Variants in NEGR1 observed in about 807,000 individuals in gnomAD.
The protein encoded by NEGR1 is neuronal growth regulator 1.
Under a neutral mutation model 40.9 loss-of-function variants are expected in NEGR1, and 10 were observed. The observed-to-expected ratio is 0.24, with a 90% CI of 0.15 to 0.42. The LOEUF (loss-of-function observed/expected upper bound fraction) is 0.42, where lower values mean the gene tolerates loss of function less well. Among genes scored for constraint, NEGR1 ranks in the 10% least tolerant of loss-of-function variants. NEGR1 has a pLI of 1.00. For missense variants in NEGR1, 352 were observed against 438.9 expected, an observed-to-expected ratio of 0.80 and a Z score of 1.77; for synonymous variants, 185 against 166.8, an observed-to-expected ratio of 1.11 and a Z score of -0.84.
intron 6 of NEGR1, among the ~76,000 whole-genome samples, chr1:71,458,009 CTATTT>C (rs1313984518): frequency 6.6e-6 from 1 of 151,988 alleles, no homozygotes; most frequent in African/African-American, 2.4e-5. Context: ...GCCAGTTTTC[CTATTT>C]TATAAGAAAG....
chr1:71,938,528 C>T (rs1336562620), intron 1 of NEGR1, among the ~76,000 whole-genome samples: 3 of 148,282 alleles, frequency 2.0e-5, no homozygotes, highest in African/African-American at 7.4e-5. Flanking sequence ...CTTTGCAATA[C>T]AAAGAGATAT....
rs571683835 is a variant in NEGR1, at chr1:71,434,897, C to T, written c.941-27327G>A. On this transcript the variant is annotated intron_variant, in intron 6 of 6. Transcript: ENST00000357731. Reference sequence around the variant, plus strand: ...ACGAGGTCAGGAGATCAAGACCATCCTGGCTAAAACGGTGAAACCCCGTCT... The same window carrying T: ...ACGAGGTCAGGAGATCAAGACCATCTTGGCTAAAACGGTGAAACCCCGTCT... 1.9e-3 allele frequency among the ~76,000 whole-genome samples: 285 copies of T among 152,294 alleles called. 1 individual carries two copies. The highest frequency in any genetic ancestry group is 3.4e-3 in the Middle Eastern group (1 of 294).
chr1:71,645,100 G>A (rs529521406), intron 4 of NEGR1, among the ~76,000 whole-genome samples: 5 of 151,774 alleles, frequency 3.3e-5, no homozygotes, highest in South Asian at 2.1e-4. Context: ...AACTCAAGTC[G>A]GAAACCAACC....
intron 1 of NEGR1, among the ~76,000 whole-genome samples, chr1:72,093,264 G>T (rs1293562873): frequency 6.9e-6 from 1 of 144,602 alleles, no homozygotes; most frequent in Non-Finnish European, 1.5e-5. Context: ...CCAGGAGGCA[G>T]AGGTAGCAGT....
At chr1:71,981,685 T>A (rs1199394055) in intron 1 of NEGR1, among the ~76,000 whole-genome samples, 1 of 152,062 alleles carries the variant, frequency 6.6e-6, no homozygotes, top group African/African-American at 2.4e-5. Flanking sequence ...CAAGGAGATG[T>A]CATTATGGAT....
At chr1:71,590,926 C>T (rs1649477412) in intron 6 of NEGR1, among the ~76,000 whole-genome samples, 1 of 152,056 alleles carries the variant, frequency 6.6e-6, no homozygotes, top group Non-Finnish European at 1.5e-5. Context: ...ATAGCAGGTG[C>T]TGTGCTTGGT....
chr1:71,730,124 G>A (rs542258319), intron 3 of NEGR1, among the ~76,000 whole-genome samples: 2 of 151,294 alleles, frequency 1.3e-5, no homozygotes, highest in South Asian at 4.2e-4. Context: ...TTAAAAACTG[G>A]TTTTTACAAG....
intron 6 of NEGR1, among the ~76,000 whole-genome samples, chr1:71,507,753 C>T (rs1647045244): frequency 6.6e-6 from 1 of 152,158 alleles, no homozygotes; most frequent in African/African-American, 2.4e-5. Flanking sequence ...GCCACTTTAC[C>T]TCAAGGGTGT....
At chr1:71,862,042 TTTG>T (rs1176934738) in intron 2 of NEGR1, among the ~76,000 whole-genome samples, 2 of 152,156 alleles carry the variant, frequency 1.3e-5, no homozygotes, top group Admixed American at 6.6e-5. Context: ...TGTTAGAGAA[TTTG>T]TTTACATTTT....
chr1:71,835,694 A>G (rs1659002051), intron 2 of NEGR1, among the ~76,000 whole-genome samples: 1 of 152,076 alleles, frequency 6.6e-6, no homozygotes, highest in Non-Finnish European at 1.5e-5. Flanking sequence ...TCAGTTCCCT[A>G]TTGCAACCAA....
chr1:71,716,684 A>T lies in NEGR1; in HGVS notation c.536-18545T>A, dbSNP rs1654289693. Among the ~76,000 whole-genome samples the T allele has an allele frequency of 2.0e-5, 3 of 152,158 alleles. No homozygotes were observed. In the South Asian group the frequency reaches 6.2e-4, roughly 32 times the overall value. On this transcript the variant is annotated intron_variant, in intron 3 of 6. Coordinates refer to ENST00000357731, the MANE Select transcript of NEGR1 (RefSeq NM_173808.3). The stretch of plus-strand genomic sequence containing the variant: ...AGTTGGAGAAACAACACATATGTCT[A>T]TTCCTATGAGGTAAAGATAATATTT...
chr1:71,583,600 T>A (rs1302086367), intron 6 of NEGR1, among the ~76,000 whole-genome samples: 4 of 152,378 alleles, frequency 2.6e-5, no homozygotes, highest in Admixed American at 1.3e-4. Flanking sequence ...TTATAGTTAT[T>A]ATCTACAGTT....
At chr1:72,126,088 A>ACTGTGTGT (rs1460989217) in intron 1 of NEGR1, among the ~76,000 whole-genome samples, 3 of 129,324 alleles carry the variant, frequency 2.3e-5, no homozygotes, top group Non-Finnish European at 3.2e-5. Flanking sequence ...ATTAGAGAAA[A>ACTGTGTGT]GTATGTGTGT....
At chr1:72,048,502 T>G (rs1647023896) in intron 1 of NEGR1, among the ~76,000 whole-genome samples, 1 of 151,222 alleles carries the variant, frequency 6.6e-6, no homozygotes, top group Non-Finnish European at 1.5e-5. Flanking sequence ...TTTCATAAAT[T>G]CTTAATACAT....
chr1:71,650,140 G>A (rs915482127), intron 4 of NEGR1, among the ~76,000 whole-genome samples: 1 of 152,018 alleles, frequency 6.6e-6, no homozygotes, highest in Non-Finnish European at 1.5e-5. Flanking sequence ...ATGAAAAGAT[G>A]AACTGCAGAA....
intron 1 of NEGR1, among the ~76,000 whole-genome samples, chr1:72,032,595 C>T (rs1210110099): frequency 1.3e-5 from 2 of 152,168 alleles, no homozygotes; most frequent in African/African-American, 4.8e-5. Context: ...TTTATTCACA[C>T]TCAAAATAAA....
intron 1 of NEGR1, among the ~76,000 whole-genome samples, chr1:72,279,313 T>A (rs1870676): frequency 6.6e-6 from 1 of 151,884 alleles, no homozygotes; most frequent in African/African-American, 2.4e-5. Flanking sequence ...CAGAAATGTA[T>A]CATTTGACCT....
intron 6 of NEGR1, among the ~76,000 whole-genome samples, chr1:71,565,458 G>T (rs1316763138): frequency 1.3e-5 from 2 of 152,142 alleles, no homozygotes; most frequent in African/African-American, 4.8e-5. Flanking sequence ...TATTTGCTTA[G>T]CAGGGAAAAT....
intron 1 of NEGR1, among the ~76,000 whole-genome samples, chr1:72,093,329 C>CAAA (rs11370565): frequency 2.5e-5 from 3 of 118,838 alleles, no homozygotes; most frequent in Non-Finnish European, 3.3e-5. Context: ...GACTCTGCCT[C>CAAA]AAAAAAAAAA....
Sources: gnomAD v4.1 joint callset for allele counts (sites outside exome capture counted in the v4.1 genomes callset) on GRCh38, gnomAD v4.1.1 for gene constraint, MANE v1.5 for transcripts, NCBI Gene and HGNC (gene_info 2026-07-23, HGNC 2026-07-21) for gene names.